Variants in EXOC3L2 observed in about 807,000 individuals in gnomAD.
EXOC3L2 encodes the protein exocyst complex component 3 like 2, also known as exocyst complex component 3-like protein 2.
A neutral mutation model predicts 44.4 loss-of-function variants in EXOC3L2; 17 were observed. That is an observed-to-expected ratio of 0.38 (90% CI 0.26 to 0.57). The LOEUF is 0.57. EXOC3L2 is among the 20% of genes least tolerant of loss of function. The probability of loss-of-function intolerance (pLI) is 0.65; values close to 1 mark genes in which losing one functional copy is unlikely to be tolerated. For missense variants in EXOC3L2, 541 were observed against 588.4 expected (o/e 0.92, Z 0.83); for synonymous variants, 256 against 253.7 (o/e 1.01, Z -0.09).
chr19:45,236,042 G>A (rs1970081142), intron 2 of EXOC3L2, among the ~76,000 whole-genome samples: 1 of 151,744 alleles, frequency 6.6e-6, no homozygotes, highest in South Asian at 2.1e-4. Context: ...GGAGTTTAGG[G>A]TTAGGATGAG....
At chr19:45,214,719 C>T (rs1344706711) in intron 11 of EXOC3L2, among the ~76,000 whole-genome samples, 3 of 151,954 alleles carry the variant, frequency 2.0e-5, no homozygotes, top group Non-Finnish European at 4.4e-5. Context: ...CCTACCTCGG[C>T]CTCCCAAAGT....
In EXOC3L2 at chr19:45,231,829, C is replaced by T; in HGVS notation, c.1203G>A (p.Glu401=). The change falls in exon 4 of 12, where the codon GAG becomes GAA. Residue 401 remains glutamate (E), a synonymous_variant. Transcript: ENST00000413988. The part of the protein sequence containing the change: ...LVDMAALENG[E]LGPLLSPGTL... ...TGCCAGGGGAGAGAAGGGGCCCCAGCTCCCCATTCTCCAGGGCGGCCATGT... is the reference window on the plus strand; with the variant it reads ...TGCCAGGGGAGAGAAGGGGCCCCAGTTCCCCATTCTCCAGGGCGGCCATGT... 1.2e-6 allele frequency: 2 copies of T among 1,610,296 alleles called. No homozygotes were observed. Among genetic ancestry groups the T allele is most frequent in the Non-Finnish European group, 1.7e-6 (2 of 1,176,922 alleles).
At position 45,238,531 on chromosome 19, in the gene EXOC3L2, G is replaced by A. The variant is rs1970102993; in HGVS notation, c.515C>T (p.Pro172Leu). 2 of 399,592 alleles carry A rather than the reference G, an allele frequency of 5.0e-6. No homozygotes were observed. Among genetic ancestry groups the A allele is most frequent in the African/African-American group, 4.1e-5 (2 of 48,666 alleles). 24.8% of individuals were successfully genotyped at this position (399,592 alleles called of 1,614,324 possible). The change falls in exon 2 of 12, where the codon CCA (proline) becomes CTA (leucine). Residue 172 changes from proline (P) to leucine (L), a missense_variant. Transcript: ENST00000413988. The surrounding 1 kb of genome is among the most constrained non-coding windows in gnomAD (Gnocchi z 5.5). The stretch of plus-strand genomic sequence containing the variant: ...CAGGGCTCCGGACTCACCTGACAAT[G>A]GCTCCTTCATCTTTGGGGGCTCTGG... ...KVPEPPKMKEPLSVLEILSLI... is the reference protein window; with the variant it reads ...KVPEPPKMKELLSVLEILSLI...
At position 45,231,833 on chromosome 19, in the gene EXOC3L2, C is replaced by T; in HGVS notation, c.1199G>A (p.Gly400Glu). 6.2e-6 allele frequency: 10 copies of T among 1,610,010 alleles called. No individual in the cohort carries two copies. The highest frequency in any genetic ancestry group is 8.5e-6 in the Non-Finnish European group (10 of 1,176,726). Residue 400 changes from glycine to glutamate, a missense_variant, in exon 4 of 12, where the codon GGG (glycine) becomes GAG (glutamate). Transcript: ENST00000413988. Reference sequence around the variant, plus strand: ...AGGGGAGAGAAGGGGCCCCAGCTCCCCATTCTCCAGGGCGGCCATGTCCAC... The same window carrying T: ...AGGGGAGAGAAGGGGCCCCAGCTCCTCATTCTCCAGGGCGGCCATGTCCAC... ...GLVDMAALEN[G>E]ELGPLLSPGT...
intron 8 of EXOC3L2, among the ~76,000 whole-genome samples, chr19:45,223,792 G>A (rs1412907001): frequency 6.8e-6 from 1 of 147,708 alleles, no homozygotes; most frequent in African/African-American, 2.5e-5. Flanking sequence ...AGGAGTTTGA[G>A]ACCAGCCTGG....
intron 10 of EXOC3L2, 56 bp downstream of exon 10, chr19:45,217,472 G>T: frequency 6.8e-7 from 1 of 1,477,036 alleles, no homozygotes; most frequent in Non-Finnish European, 8.9e-7. Context: ...GAGATTCTCG[G>T]AAGCCAAGCC....
intron 1 of EXOC3L2, among the ~76,000 whole-genome samples, chr19:45,244,048 C>T (rs546924958): frequency 5.8e-4 from 89 of 152,218 alleles, no homozygotes; most frequent in African/African-American, 2.0e-3. Context: ...CTCAACCTCC[C>T]GAGTAGCTGG....
At chr19:45,221,342 T>C (rs998473588) in intron 8 of EXOC3L2, among the ~76,000 whole-genome samples, 3 of 150,536 alleles carry the variant, frequency 2.0e-5, no homozygotes, top group Non-Finnish European at 3.0e-5. Context: ...CCATGTCTAA[T>C]GTGTTGCTGG....
chr19:45,230,638 C>T (rs976071804), intron 4 of EXOC3L2, among the ~76,000 whole-genome samples: 9 of 151,918 alleles, frequency 5.9e-5, no homozygotes, highest in African/African-American at 1.9e-4. Context: ...TGTGAGCCAC[C>T]GCGCCCGGCC....
At chr19:45,226,468 G>A (rs1171511461) in intron 7 of EXOC3L2, among the ~76,000 whole-genome samples, 4 of 152,124 alleles carry the variant, frequency 2.6e-5, no homozygotes, top group African/African-American at 7.2e-5. Flanking sequence ...ATGGAGTCTC[G>A]CTCTGTCACC....
At position 45,231,803 on chromosome 19, in the gene EXOC3L2, G is replaced by T; in HGVS notation, c.1229C>A (p.Thr410Asn). ...GCATTCATCCTCCAAACCCCGCAGG[G>T]TGCCAGGGGAGAGAAGGGGCCCCAG... ...GELGPLLSPGTLRGLEDECVT... is the reference protein window; with the variant it reads ...GELGPLLSPGNLRGLEDECVT... Residue 410 changes from threonine (T) to asparagine (N), a missense_variant, in exon 4 of 12, where the codon ACC becomes AAC. Physicochemically the swap from Thr to Asn is moderately conservative, Grantham distance 65. Coordinates refer to ENST00000413988, the MANE Select transcript of EXOC3L2 (RefSeq NM_001382422.1). 1 of 1,610,982 alleles carries T rather than the reference G, an allele frequency of 6.2e-7. No homozygotes were observed. Among genetic ancestry groups the T allele is most frequent in the Non-Finnish European group, 8.5e-7 (1 of 1,177,590 alleles).
rs1266146717 is a variant in EXOC3L2, at chr19:45,238,671, G to A, written c.375C>T (p.Ala125=). ...AHGDEEAAGE[A]ARRLAFLRLG... is the part of the protein sequence containing the mutation. The stretch of plus-strand genomic sequence containing the variant: ...GTCTCAGGAAGGCCAGTCTCCGGGC[G>A]GCCTCCCCCGCTGCCTCCTCGTCGC... The change falls in exon 2 of 12, where the codon GCC becomes GCT. Residue 125 remains alanine (A), a synonymous_variant. Coordinates refer to ENST00000413988, the MANE Select transcript of EXOC3L2 (RefSeq NM_001382422.1). The surrounding 1 kb of genome is among the most constrained non-coding windows in gnomAD (Gnocchi z 5.5). 6 of 399,042 alleles carry A rather than the reference G, an allele frequency of 1.5e-5. No individual in the cohort carries two copies. The highest frequency in any genetic ancestry group is 6.2e-4 in the Middle Eastern group (1 of 1,610). The allele number at this position is 399,042 out of a possible 1,614,324, so 24.7% of individuals were successfully genotyped here.
chr19:45,236,746 C>T (rs1657874654), intron 2 of EXOC3L2, among the ~76,000 whole-genome samples: 2 of 151,938 alleles, frequency 1.3e-5, no homozygotes, highest in South Asian at 4.1e-4. Context: ...CTTGTAATCC[C>T]AGCACTTTGG....
chr19:45,236,625 A>T (rs1251539262), intron 2 of EXOC3L2, among the ~76,000 whole-genome samples: 1 of 151,880 alleles, frequency 6.6e-6, no homozygotes, highest in African/African-American at 2.4e-5. Context: ...TAGATTAGGG[A>T]TGAAGAGGAG....
At chr19:45,213,665 C>T (rs1367002068) in intron 11 of EXOC3L2, among the ~76,000 whole-genome samples, 1 of 152,140 alleles carries the variant, frequency 6.6e-6, no homozygotes, top group Non-Finnish European at 1.5e-5. Context: ...ACCTTCTCAG[C>T]TGGGTGCCGT....
chr19:45,240,000 T>A (rs566089470), intron 1 of EXOC3L2, among the ~76,000 whole-genome samples: 1 of 152,056 alleles, frequency 6.6e-6, no homozygotes, highest in East Asian at 1.9e-4. Flanking sequence ...CACCCCCTCA[T>A]CCCCTTCATT....
At chr19:45,231,299 CA>C (rs1411431086) in intron 4 of EXOC3L2, among the ~76,000 whole-genome samples, 5 of 151,732 alleles carry the variant, frequency 3.3e-5, no homozygotes, top group Non-Finnish European at 7.4e-5. Flanking sequence ...AGTAATTAAC[CA>C]TGTTTATTAC....
At chr19:45,225,299 C>T (rs1453049677) in intron 7 of EXOC3L2, among the ~76,000 whole-genome samples, 2 of 150,260 alleles carry the variant, frequency 1.3e-5, no homozygotes, top group African/African-American at 2.5e-5. Context: ...GACGGAGTCT[C>T]GCTCTGTCAC....
At chr19:45,214,487 CAG>C (rs1333886138) in intron 11 of EXOC3L2, among the ~76,000 whole-genome samples, 2 of 149,952 alleles carry the variant, frequency 1.3e-5, no homozygotes, top group African/African-American at 2.5e-5. Context: ...TGTTTTGAGA[CAG>C]AGTCTTGCTC....
Sources: allele counts gnomAD v4.1 joint callset (sites outside exome capture counted in the v4.1 genomes callset), GRCh38; gene constraint gnomAD v4.1.1; non-coding constraint Gnocchi (gnomAD v3.1); transcripts MANE v1.5; gene names NCBI Gene and HGNC (gene_info 2026-07-23, HGNC 2026-07-21).